Variants in URGCP observed in about 807,000 individuals in gnomAD.
URGCP encodes up-regulator of cell proliferation.
A neutral mutation model predicts 24.6 loss-of-function variants in URGCP; 13 were observed. The ratio of observed to expected loss-of-function variants is 0.53; its 90% CI spans 0.34 to 0.84. URGCP has a LOEUF of 0.84. Among genes scored for constraint, URGCP ranks in the 40% least tolerant of loss-of-function variants. URGCP has a pLI of 0.01. For missense variants in URGCP, 899 were observed against 1,194.3 expected, an observed-to-expected ratio of 0.75 and a Z score of 3.64; for synonymous variants, 444 against 487.2, an observed-to-expected ratio of 0.91 and a Z score of 1.17.
intron 1 of URGCP, among the ~76,000 whole-genome samples, chr7:43,922,544 C>A (rs1431882360): frequency 6.6e-6 from 1 of 152,082 alleles, no homozygotes; most frequent in African/African-American, 2.4e-5. Flanking sequence ...CTTTGATTTG[C>A]ATGTCCCTTA....
At chr7:43,925,799 T>TTTTC (rs2095929162) in intron 1 of URGCP, among the ~76,000 whole-genome samples, 1 of 12,794 alleles carries the variant, frequency 7.8e-5, no homozygotes, top group East Asian at 1.8e-3. Context: ...CTCGTCTGGC[T>TTTTC]TTTTTTTTTT....
At chr7:43,921,261 G>A (rs1010392578) in intron 1 of URGCP, among the ~76,000 whole-genome samples, 1 of 151,938 alleles carries the variant, frequency 6.6e-6, no homozygotes, top group Non-Finnish European at 1.5e-5. Context: ...AGGAGGCAGA[G>A]CTTGCAGTGA....
chr7:43,887,530 C>T (rs1350334142), intron 2 of URGCP, 45 bp from the exon 3 acceptor site: 2 of 1,601,668 alleles, frequency 1.2e-6, no homozygotes, highest in African/African-American at 1.3e-5. Context: ...AAATGGAATA[C>T]CACTTTCACC....
upstream of URGCP, among the ~76,000 whole-genome samples, chr7:43,908,913 T>C (rs1264681588): frequency 6.6e-6 from 1 of 152,196 alleles, no homozygotes; most frequent in East Asian, 1.9e-4. Flanking sequence ...GGAGAAACTT[T>C]CCCGTGGCCC....
At chr7:43,900,993 CAA>C (rs2095889566) in intron 1 of URGCP, among the ~76,000 whole-genome samples, 2 of 152,166 alleles carry the variant, frequency 1.3e-5, no homozygotes, top group Admixed American at 1.3e-4. Context: ...AAATTTAAAC[CAA>C]CTATAATCAT....
chr7:43,922,966 CCTCTCT>C (rs1022577925), intron 1 of URGCP, among the ~76,000 whole-genome samples: 1 of 148,014 alleles, frequency 6.8e-6, no homozygotes, highest in African/African-American at 2.5e-5. Flanking sequence ...CTCTCTTTCT[CCTCTCT>C]CTCTCTCTTA....
chr7:43,914,246 A>G (rs1198808759), intron 1 of URGCP, among the ~76,000 whole-genome samples: 1 of 152,086 alleles, frequency 6.6e-6, no homozygotes, highest in Non-Finnish European at 1.5e-5. Flanking sequence ...CACACCTGTA[A>G]TCCCAGCACT....
chr7:43,895,357 T>C (rs1166144207), intron 1 of URGCP, among the ~76,000 whole-genome samples: 1 of 152,032 alleles, frequency 6.6e-6, no homozygotes, highest in Non-Finnish European at 1.5e-5. Context: ...AAAAAAGATA[T>C]GATATCCCAG....
intron 5 of URGCP, 91 bp from the exon 6 acceptor site, chr7:43,879,351 G>C: frequency 6.9e-7 from 1 of 1,451,676 alleles, no homozygotes; most frequent in Non-Finnish European, 9.2e-7. Context: ...CAGCAGGATG[G>C]GGAGAGTGAC....
At chr7:43,919,591 T>C in intron 1 of URGCP, 4 of 1,420,606 alleles carry the variant, frequency 2.8e-6, no homozygotes, top group Non-Finnish European at 4.0e-6. Flanking sequence ...AGGTGGCTGC[T>C]GCAGCCCAAG....
upstream of URGCP, chr7:43,906,799 C>A: frequency 3.3e-6 from 1 of 306,446 alleles, no homozygotes. Flanking sequence ...GCCCGCAGCC[C>A]GCCCAACGCC....
At chr7:43,880,458 T>C (rs2095852185) in intron 5 of URGCP, among the ~76,000 whole-genome samples, 2 of 152,134 alleles carry the variant, frequency 1.3e-5, no homozygotes, top group Admixed American at 1.3e-4. Flanking sequence ...TTTGTTGTTG[T>C]TTGAGGCAGT....
intron 3 of URGCP, among the ~76,000 whole-genome samples, chr7:43,886,101 A>G (rs1353436231): frequency 6.6e-6 from 1 of 152,220 alleles, no homozygotes; most frequent in Admixed American, 6.5e-5. Flanking sequence ...CAATGCTTAC[A>G]ACAATGTTAG....
At chr7:43,923,842 A>T (rs2095925528) in intron 1 of URGCP, among the ~76,000 whole-genome samples, 1 of 152,078 alleles carries the variant, frequency 6.6e-6, no homozygotes, top group African/African-American at 2.4e-5. Flanking sequence ...CATGTAGTCA[A>T]ATTTATCCAT....
At chr7:43,919,667 C>A (rs2095919886) in intron 1 of URGCP, 1 of 1,373,934 alleles carries the variant, frequency 7.3e-7, no homozygotes, top group African/African-American at 1.4e-5. Context: ...TCCTCAACAC[C>A]ATCCAGGGAG....
intron 1 of URGCP, among the ~76,000 whole-genome samples, chr7:43,911,806 T>C (rs1462808881): frequency 6.6e-6 from 1 of 152,160 alleles, no homozygotes; most frequent in Non-Finnish European, 1.5e-5. Context: ...AGACCATATG[T>C]TAGGTCACAA....
chr7:43,898,858 T>G (rs1177470898), intron 1 of URGCP, among the ~76,000 whole-genome samples: 2 of 143,132 alleles, frequency 1.4e-5, no homozygotes, highest in Non-Finnish European at 1.5e-5. Context: ...AAAAAAAGGC[T>G]GGGTGTGGTG....
At chr7:43,901,650 T>G (rs1285020141) in intron 1 of URGCP, among the ~76,000 whole-genome samples, 1 of 152,170 alleles carries the variant, frequency 6.6e-6, no homozygotes, top group East Asian at 1.9e-4. Flanking sequence ...TCAGTGTGGT[T>G]TACGGGGCCC....
chr7:43,884,085 C>T (rs75347765), intron 3 of URGCP, among the ~76,000 whole-genome samples: 2,579 of 152,184 alleles, frequency 0.017, 71 homozygotes, highest in African/African-American at 0.058. Flanking sequence ...AACCTCCAGA[C>T]CCAGAGAAAA....
Sources: allele counts gnomAD v4.1 joint callset (sites outside exome capture counted in the v4.1 genomes callset), GRCh38; gene constraint gnomAD v4.1.1; transcripts MANE v1.5; gene names NCBI Gene and HGNC (gene_info 2026-07-23, HGNC 2026-07-21).